NGEF: variants seen among roughly 807,000 people sequenced by gnomAD.
NGEF encodes neuronal guanine nucleotide exchange factor, also known as ephexin-1.
NGEF carries 31 observed loss-of-function variants against 80.9 expected under a neutral mutation model. The observed-to-expected ratio is 0.38, with a 90% CI of 0.29 to 0.52. The LOEUF (loss-of-function observed/expected upper bound fraction) is 0.52. NGEF is among the 20% of genes least tolerant of loss of function. NGEF has a pLI of 0.84. For synonymous variants in NGEF, 371 were observed against 370.2 expected, an observed-to-expected ratio of 1.00 and a Z score of -0.03; for missense variants, 709 against 926.2, an observed-to-expected ratio of 0.77 and a Z score of 3.04.
At chr2:232,905,216 C>T (rs978793169) in intron 5 of NGEF, among the ~76,000 whole-genome samples, 3 of 152,216 alleles carry the variant, frequency 2.0e-5, no homozygotes, top group Non-Finnish European at 4.4e-5. Context: ...ATTGTCCTGC[C>T]TCAGCCTGCC....
chr2:232,997,591 C>T (rs571646218), intron 1 of NGEF, among the ~76,000 whole-genome samples: 1 of 152,292 alleles, frequency 6.6e-6, no homozygotes, highest in South Asian at 2.1e-4. Context: ...ACTCCCTATT[C>T]TCCCTCAGAA....
chr2:232,982,522 C>CT (rs904351923), intron 1 of NGEF, among the ~76,000 whole-genome samples: 32 of 151,822 alleles, frequency 2.1e-4, no homozygotes, highest in Non-Finnish European at 3.8e-4. Context: ...TGTCTTGGGC[C>CT]TTTTTTTTGA....
intron 3 of NGEF, among the ~76,000 whole-genome samples, chr2:232,945,675 T>G (rs1361866327): frequency 6.6e-6 from 1 of 152,134 alleles, no homozygotes; most frequent in Non-Finnish European, 1.5e-5. Context: ...GCTTTGGCAC[T>G]TCTGGTCTCC....
chr2:232,938,520 G>T (rs886328564), intron 3 of NGEF, among the ~76,000 whole-genome samples: 1 of 152,078 alleles, frequency 6.6e-6, no homozygotes, highest in Non-Finnish European at 1.5e-5. Context: ...GGGTCTGGGG[G>T]TTTGGCTGTG....
intron 9 of NGEF, among the ~76,000 whole-genome samples, chr2:232,887,142 A>G (rs1467802822): frequency 6.6e-6 from 1 of 152,164 alleles, no homozygotes; most frequent in Non-Finnish European, 1.5e-5. Context: ...GGGGTGACAA[A>G]GAAGTGGAAT....
At chr2:232,942,992 C>T (rs1376223024) in intron 3 of NGEF, among the ~76,000 whole-genome samples, 1 of 145,060 alleles carries the variant, frequency 6.9e-6, no homozygotes, top group East Asian at 2.1e-4. Context: ...AAAGCCATGT[C>T]TCATTTTTTC....
At chr2:232,993,653 A>G (rs553025292) in intron 1 of NGEF, among the ~76,000 whole-genome samples, 2 of 152,338 alleles carry the variant, frequency 1.3e-5, no homozygotes, top group African/African-American at 4.8e-5. Flanking sequence ...TAACTGGCAA[A>G]AAGTGAAAAC....
Position 232,894,746 on chromosome 2 carries a change from C to A in NGEF, c.989+10G>T, listed in dbSNP as rs1692003345. On this transcript the variant is annotated intron_variant, in intron 6 of 14. Transcript: ENST00000264051. Reference sequence around the variant, plus strand: ...GCCCTGAGGGAGGTGGCTGTCCCCCCCGTCCTCACCGCTCACTGACAGCCA... The same window carrying A: ...GCCCTGAGGGAGGTGGCTGTCCCCCACGTCCTCACCGCTCACTGACAGCCA... 1.9e-6 allele frequency: 3 copies of A among 1,558,792 alleles called. No homozygotes were observed. The highest frequency in any genetic ancestry group is 1.2e-5 in the South Asian group (1 of 86,194).
chr2:232,926,960 G>A (rs1575020927), intron 4 of NGEF, 84 bp downstream of exon 4: 1 of 1,544,116 alleles, frequency 6.5e-7, no homozygotes, highest in Non-Finnish European at 8.9e-7. Context: ...AAACACAACG[G>A]CATCCCATGA....
At chr2:233,012,996 C>T (rs754290965) in intron 1 of NGEF, 72 bp downstream of exon 1, 13 of 460,032 alleles carry the variant, frequency 2.8e-5, no homozygotes, top group South Asian at 4.8e-5. Flanking sequence ...CCTGTCCTAG[C>T]GGTAGCCTCT....
At chr2:232,981,111 G>A (rs1574651543) in intron 1 of NGEF, among the ~76,000 whole-genome samples, 1 of 133,472 alleles carries the variant, frequency 7.5e-6, no homozygotes, top group Middle Eastern at 3.8e-3. Context: ...CAAGAGAAAG[G>A]AGGATGTCTC....
At chr2:232,926,982 C>T in intron 4 of NGEF, 62 bp downstream of exon 4, 1 of 1,608,714 alleles carries the variant, frequency 6.2e-7, no homozygotes, top group Non-Finnish European at 8.5e-7. Context: ...CAGGAGGACC[C>T]TCAGAGTCCT....
chr2:233,003,673 A>T (rs922481955), intron 1 of NGEF, among the ~76,000 whole-genome samples: 1 of 152,076 alleles, frequency 6.6e-6, no homozygotes, highest in African/African-American at 2.4e-5. Context: ...TTCACTGAAA[A>T]TCCACCTGCC....
intron 1 of NGEF, among the ~76,000 whole-genome samples, chr2:232,998,158 G>A (rs940680329): frequency 2.6e-5 from 4 of 152,100 alleles, no homozygotes; most frequent in Admixed American, 2.6e-4. Flanking sequence ...AACCGCAGTG[G>A]GAGTTTCAGC....
chr2:232,893,912 G>A lies in NGEF; in HGVS notation c.989+844C>T, dbSNP rs138175439. Among the ~76,000 whole-genome samples the A allele has an allele frequency of 8.3e-3, 1,263 of 152,338 alleles. 11 individuals carry two copies. The highest frequency in any genetic ancestry group is 0.034 in the Middle Eastern group (10 of 294). On this transcript the variant is annotated intron_variant, in intron 6 of 14. Transcript: ENST00000264051. ...GTGAGGGGGCTGCAAACAGAAGTGA[G>A]AGTGTCAGTGTGGAGGAGAGACCCA... is the stretch of plus-strand genomic sequence containing the variant.
intron 1 of NGEF, among the ~76,000 whole-genome samples, chr2:232,984,521 G>A (rs1183536590): frequency 5.3e-5 from 8 of 152,204 alleles, no homozygotes; most frequent in Non-Finnish European, 1.2e-4. Flanking sequence ...GTGATGTGAA[G>A]ACAGCCTTCC....
intron 1 of NGEF, among the ~76,000 whole-genome samples, chr2:232,990,732 C>T (rs868700888): frequency 2.0e-5 from 3 of 151,890 alleles, no homozygotes; most frequent in African/African-American, 4.8e-5. Flanking sequence ...AGAGGCCTCA[C>T]AAACATAAAA....
At chr2:232,964,020 T>A (rs1198557183) in intron 3 of NGEF, among the ~76,000 whole-genome samples, 1 of 152,088 alleles carries the variant, frequency 6.6e-6, no homozygotes, top group Non-Finnish European at 1.5e-5. Context: ...ATCAGGAAAC[T>A]GCAAATTAAA....
intron 2 of NGEF, among the ~76,000 whole-genome samples, chr2:232,970,794 G>GAA (rs113392752): frequency 2.7e-4 from 39 of 144,816 alleles, no homozygotes; most frequent in African/African-American, 3.8e-4. Flanking sequence ...CAGCCTGGGT[G>GAA]AAAAAAAAAA....
Sources: allele counts gnomAD v4.1 joint callset (sites outside exome capture counted in the v4.1 genomes callset), GRCh38; gene constraint gnomAD v4.1.1; transcripts MANE v1.5; gene names NCBI Gene and HGNC (gene_info 2026-07-23, HGNC 2026-07-21).